The following ABTB2 variants were observed in gnomAD, a reference collection of about 807,000 sequenced individuals.
ABTB2 encodes the protein ankyrin repeat and BTB/POZ domain-containing protein 2.
ABTB2 carries 56 observed loss-of-function variants against 104.1 expected under a neutral mutation model. The observed-to-expected ratio is 0.54, with a 90% CI of 0.43 to 0.67. ABTB2 has a LOEUF of 0.67. Among genes scored for constraint, ABTB2 ranks in the 30% least tolerant of loss-of-function variants. The pLI is 0.00. For synonymous variants in ABTB2, 606 were observed against 608.2 expected (o/e 1.00, Z 0.05); for missense variants, 1,279 against 1,407.7 (o/e 0.91, Z 1.46).
At chr11:34,274,793 C>G (rs1329146326) in intron 1 of ABTB2, among the ~76,000 whole-genome samples, 1 of 152,076 alleles carries the variant, frequency 6.6e-6, no homozygotes, top group Non-Finnish European at 1.5e-5. Flanking sequence ...GCCACACAGT[C>G]TTGGCCGAGT....
At chr11:34,336,938 A>G (rs1375024582) in intron 1 of ABTB2, among the ~76,000 whole-genome samples, 1 of 152,202 alleles carries the variant, frequency 6.6e-6, no homozygotes, top group Non-Finnish European at 1.5e-5. Context: ...TGAGGGAAAC[A>G]GGATTATCCC....
intron 1 of ABTB2, among the ~76,000 whole-genome samples, chr11:34,278,636 TA>T (rs1854413432): frequency 8.3e-6 from 1 of 120,388 alleles, no homozygotes; most frequent in Non-Finnish European, 1.9e-5. Context: ...CAGTCCTTGT[TA>T]AGGCACAAGG....
chr11:34,221,670 C>A lies in ABTB2; in HGVS notation c.884-16980G>T, dbSNP rs76954890. Among the ~76,000 whole-genome samples, 345 of 152,312 alleles carry A rather than the reference C, an allele frequency of 2.3e-3. 2 individuals carry two copies. Among genetic ancestry groups the A allele is most frequent in the Non-Finnish European group, 2.9e-3 (197 of 68,034 alleles). ...ATAGGGGGGCTCAACGCTCCCCTCA[C>A]GGGGCAATCCTCTGGCCAGAACATT... On this transcript the variant is annotated intron_variant, in intron 1 of 16. Coordinates refer to ENST00000435224, the MANE Select transcript of ABTB2 (RefSeq NM_145804.3).
rs564086419 is a variant in ABTB2 at position 34,276,994 on chromosome 11, CAGGTTCA to C, written c.884-72311_884-72305del. Among the ~76,000 whole-genome samples the C allele has an allele frequency of 2.4e-3, 365 of 152,276 alleles. 1 individual carries two copies. The highest frequency in any genetic ancestry group is 8.4e-3 in the African/African-American group (348 of 41,548). ...CCAGCTTACTGCAATCTCCACCTCC[CAGGTTCA>C]AGTGATTCTCCTGCCTCAGCCTTCT... On this transcript the variant is annotated intron_variant, in intron 1 of 16. Transcript: ENST00000435224.
intron 1 of ABTB2, among the ~76,000 whole-genome samples, chr11:34,321,628 C>T (rs1855002814): frequency 6.6e-6 from 1 of 152,222 alleles, no homozygotes; most frequent in Admixed American, 6.5e-5. Flanking sequence ...TGTGACTCAA[C>T]AGTGTCATCA....
intron 1 of ABTB2, among the ~76,000 whole-genome samples, chr11:34,307,285 A>T (rs1854788347): frequency 6.6e-6 from 1 of 152,220 alleles, no homozygotes; most frequent in Non-Finnish European, 1.5e-5. Flanking sequence ...GTCCAGCACA[A>T]TTAGGTCACT....
intron 1 of ABTB2, among the ~76,000 whole-genome samples, chr11:34,355,501 G>A (rs984375553): frequency 6.6e-6 from 1 of 152,200 alleles, no homozygotes; most frequent in African/African-American, 2.4e-5. Flanking sequence ...GGCTTGCTAG[G>A]AGTACTTGAG....
intron 1 of ABTB2, among the ~76,000 whole-genome samples, chr11:34,268,383 C>T (rs1854274419): frequency 1.3e-5 from 2 of 152,244 alleles, no homozygotes; most frequent in Admixed American, 1.3e-4. Flanking sequence ...ACTCTCTCCT[C>T]TTAGTGGATG....
intron 1 of ABTB2, among the ~76,000 whole-genome samples, chr11:34,301,692 A>C (rs1350847079): frequency 6.6e-6 from 1 of 152,204 alleles, no homozygotes; most frequent in Non-Finnish European, 1.5e-5. Flanking sequence ...AAACATTTAA[A>C]CATAATATAG....
At chr11:34,175,488 G>A (rs566239010) in intron 3 of ABTB2, among the ~76,000 whole-genome samples, 1 of 152,366 alleles carries the variant, frequency 6.6e-6, no homozygotes, top group South Asian at 2.1e-4. Context: ...CAGAATTGTT[G>A]TGTGGGTACT....
chr11:34,349,346 CTTG>C (rs1855371915), intron 1 of ABTB2, among the ~76,000 whole-genome samples: 1 of 152,180 alleles, frequency 6.6e-6, no homozygotes, highest in Admixed American at 6.5e-5. Context: ...TGCCAGACCA[CTTG>C]TTGTTGGGGG....
At chr11:34,162,935 C>G in intron 9 of ABTB2, 130 bp from the exon 10 acceptor site, 1 of 857,766 alleles carries the variant, frequency 1.2e-6, no homozygotes, top group South Asian at 1.7e-5. Flanking sequence ...GTTTCATGGT[C>G]TTCCTCCTCC....
chr11:34,337,213 G>A (rs1855201729), intron 1 of ABTB2, among the ~76,000 whole-genome samples: 1 of 152,220 alleles, frequency 6.6e-6, no homozygotes, highest in South Asian at 2.1e-4. Context: ...TATTTGTTGA[G>A]GAAGGCCCCG....
At position 34,357,675 on chromosome 11, in the gene ABTB2, T is replaced by C; in HGVS notation, c.-92A>G. On this transcript the variant is annotated 5_prime_UTR_variant, in exon 1 of 17. Coordinates refer to ENST00000435224, the MANE Select transcript of ABTB2 (RefSeq NM_145804.3). ...GTGGGCAGAAACAAGCTCTAGGCCCTCCGGGCCACCCTCCTTCCTCTCTGC... is the reference window on the plus strand; with the variant it reads ...GTGGGCAGAAACAAGCTCTAGGCCCCCCGGGCCACCCTCCTTCCTCTCTGC... 7.8e-7 allele frequency: 1 copy of C among 1,282,354 alleles called. No individual in the cohort carries two copies. The highest frequency in any genetic ancestry group is 1.0e-6 in the Non-Finnish European group (1 of 990,332). 79.4% of individuals were successfully genotyped at this position (1,282,354 alleles called of 1,614,324 possible).
At chr11:34,330,425 A>AGTTTATAAAGT (rs1287715588) in intron 1 of ABTB2, among the ~76,000 whole-genome samples, 1 of 152,208 alleles carries the variant, frequency 6.6e-6, no homozygotes, top group Non-Finnish European at 1.5e-5. Context: ...AATAAGGTAA[A>AGTTTATAAAGT]GTTTATAAAG....
At chr11:34,313,445 C>G (rs902066567) in intron 1 of ABTB2, among the ~76,000 whole-genome samples, 4 of 152,254 alleles carry the variant, frequency 2.6e-5, no homozygotes, top group African/African-American at 7.2e-5. Flanking sequence ...CAGCAGCAAC[C>G]TGCACCACCA....
chr11:34,214,816 A>G (rs1853530195), intron 1 of ABTB2, among the ~76,000 whole-genome samples: 1 of 152,156 alleles, frequency 6.6e-6, no homozygotes. Context: ...AACAAAACTA[A>G]TATTACAATT....
chr11:34,341,615 C>T (rs1198771612), intron 1 of ABTB2, among the ~76,000 whole-genome samples: 1 of 151,952 alleles, frequency 6.6e-6, no homozygotes, highest in Non-Finnish European at 1.5e-5. Flanking sequence ...TTTTTTTTAA[C>T]CTTATCGAAT....
chr11:34,218,004 A>G (rs1853568879), intron 1 of ABTB2, among the ~76,000 whole-genome samples: 1 of 152,226 alleles, frequency 6.6e-6, no homozygotes, highest in African/African-American at 2.4e-5. Flanking sequence ...ATGTCCTAGT[A>G]TGGTCATTGT....
Sources: gnomAD v4.1 joint callset for allele counts (sites outside exome capture counted in the v4.1 genomes callset) on GRCh38, gnomAD v4.1.1 for gene constraint, MANE v1.5 for transcripts, NCBI Gene and HGNC (gene_info 2026-07-23, HGNC 2026-07-21) for gene names.